Variants in RIMS3 observed in about 807,000 individuals in gnomAD.
RIMS3 encodes the protein regulating synaptic membrane exocytosis 3.
In RIMS3, 15 loss-of-function variants were observed where a neutral mutation model predicts 29.2. The observed-to-expected ratio is 0.51, with a 90% CI of 0.34 to 0.79. RIMS3 has a LOEUF of 0.79. RIMS3 is among the 30% of genes least tolerant of loss of function. The probability of loss-of-function intolerance (pLI) is 0.01; values close to 1 mark genes in which losing one functional copy is unlikely to be tolerated. For missense variants in RIMS3, 342 were observed against 421.4 expected, an observed-to-expected ratio of 0.81 and a Z score of 1.65; for synonymous variants, 161 against 170.1, an observed-to-expected ratio of 0.95 and a Z score of 0.41.
chr1:40,658,965 T>G (rs1557685653), intron 1 of RIMS3, among the ~76,000 whole-genome samples: 1 of 152,110 alleles, frequency 6.6e-6, no homozygotes, highest in Admixed American at 6.5e-5. Context: ...TGAACAATCC[T>G]GAAAAAATAA....
Position 40,650,165 on chromosome 1 carries a change from G to A in RIMS3, c.-206-2323C>T, listed in dbSNP as rs192156811. On this transcript the variant is annotated intron_variant, in intron 1 of 7. Coordinates refer to ENST00000372684, the MANE Select transcript of RIMS3 (RefSeq NM_014747.3). ...AGGCAGACCCAGGGCTGGGTGAGCC[G>A]TGTCTCCCATTCAGAACAAGGTTCC... Among the ~76,000 whole-genome samples the A allele has an allele frequency of 1.2e-3, 179 of 152,240 alleles. 2 individuals are homozygous for A. The East Asian group carries it at 0.02, about 17-fold the overall frequency.
At chr1:40,668,491 C>CGGGGGGGGGGGGGGGTGGGG (rs56114535), upstream of RIMS3, among the ~76,000 whole-genome samples, 1 of 51,586 alleles carries the variant, frequency 1.9e-5, no homozygotes. Flanking sequence ...GGGTTGTGGG[C>CGGGGGGGGGGGGGGGTGGGG]GGGGGGGGGG....
At chr1:40,668,942 G>C (rs911311310), upstream of RIMS3, 1 of 152,210 alleles carries the variant, frequency 6.6e-6, no homozygotes, top group Admixed American at 6.5e-5. Context: ...GCGGCGCTCT[G>C]GCCAGCGCCC....
chr1:40,641,610 G>T, intron 3 of RIMS3, 99 bp downstream of exon 3: 1 of 1,175,360 alleles, frequency 8.5e-7, no homozygotes, highest in Non-Finnish European at 1.2e-6. Context: ...ATAAGTGTCT[G>T]TGGGCATGGA....
At chr1:40,688,153 C>T in the RIMS3 span, among the ~76,000 whole-genome samples, 2 of 151,962 alleles carry the variant, frequency 1.3e-5, no homozygotes, top group East Asian at 1.9e-4. Flanking sequence ...TCAGTAGAGA[C>T]GGGGTTTTAC....
chr1:40,631,337 A>G (rs1646488056), intron 5 of RIMS3, among the ~76,000 whole-genome samples: 1 of 152,218 alleles, frequency 6.6e-6, no homozygotes, highest in African/African-American at 2.4e-5. Flanking sequence ...ATCCCTCAGT[A>G]TCCATGGGGG....
At chr1:40,682,549 G>T in the RIMS3 span, among the ~76,000 whole-genome samples, 1 of 151,920 alleles carries the variant, frequency 6.6e-6, no homozygotes, top group Admixed American at 6.6e-5. Context: ...AAGAGACGAG[G>T]TAACTTTTGC....
the RIMS3 span, among the ~76,000 whole-genome samples, chr1:40,676,668 C>T: frequency 6.6e-6 from 1 of 152,008 alleles, no homozygotes; most frequent in African/African-American, 2.4e-5. Flanking sequence ...AGAATTTGAA[C>T]AAAAAAAGTT....
intron 7 of RIMS3, among the ~76,000 whole-genome samples, chr1:40,627,420 G>A (rs989132397): frequency 6.6e-6 from 1 of 152,072 alleles, no homozygotes; most frequent in Admixed American, 6.5e-5. Context: ...AGTAGAGACG[G>A]GGTTTCACCA....
At chr1:40,689,639 T>G in the RIMS3 span, among the ~76,000 whole-genome samples, 72 of 152,292 alleles carry the variant, frequency 4.7e-4, no homozygotes, top group South Asian at 0.014. Context: ...TTGACGACAT[T>G]AGGGTGAGAA....
chr1:40,675,105 A>C, the RIMS3 span, among the ~76,000 whole-genome samples: 1 of 152,064 alleles, frequency 6.6e-6, no homozygotes. Context: ...CGAAAGGAAA[A>C]AAAATTTTTT....
At chr1:40,656,718 G>A (rs1642277912) in intron 1 of RIMS3, among the ~76,000 whole-genome samples, 1 of 150,830 alleles carries the variant, frequency 6.6e-6, no homozygotes. Context: ...AGGAGGCAGA[G>A]GTTGTGGTGA....
chr1:40,688,662 TTC>T, the RIMS3 span, among the ~76,000 whole-genome samples: 1 of 152,140 alleles, frequency 6.6e-6, no homozygotes, highest in Non-Finnish European at 1.5e-5. Flanking sequence ...TAAGAAGTAT[TTC>T]TTAGCTGAGG....
Position 40,651,247 on chromosome 1 carries a change from T to C in RIMS3, c.-206-3405A>G, listed in dbSNP as rs151184268. 3.5e-4 allele frequency among the ~76,000 whole-genome samples: 54 copies of C among 152,198 alleles called. No individual in the cohort carries two copies. The East Asian group carries it at 7.7e-3, about 22-fold the overall frequency. ...GGAGAAGGGTGGGTCCCTCATCCAA[T>C]ATAACCAGTGTCCTTATAGGAAGGT... is the stretch of plus-strand genomic sequence containing the variant. On this transcript the variant is annotated intron_variant, in intron 1 of 7. Coordinates refer to ENST00000372684, the MANE Select transcript of RIMS3 (RefSeq NM_014747.3).
chr1:40,670,574 T>TTATTTATATATATATATATATA (rs1553146614), upstream of RIMS3, among the ~76,000 whole-genome samples: 5 of 71,210 alleles, frequency 7.0e-5, no homozygotes, highest in Non-Finnish European at 1.2e-4. Context: ...AGTTATAATT[T>TTATTTATATATATATATATATA]TATATATATA....
chr1:40,629,284 G>T lies in RIMS3; in HGVS notation c.561C>A (p.Ser187=), dbSNP rs912393234. Residue 187 remains serine (S), a synonymous_variant, in exon 6 of 8, where the codon TCC becomes TCA. Coordinates refer to ENST00000372684, the MANE Select transcript of RIMS3 (RefSeq NM_014747.3). ...AAAATCCCTCACCTGGGAGGGATTT[G>T]GAGCCTGGTTTGGGGGTCAGGCCCC... ...EARGLTPKPG[S]KSLPATYIKV... 1.2e-6 allele frequency: 2 copies of T among 1,614,060 alleles called. No individual in the cohort carries two copies. The highest frequency in any genetic ancestry group is 3.3e-5 in the Admixed American group (2 of 60,028).
In RIMS3 at chr1:40,623,504, C is replaced by T. The variant is rs894155586; in HGVS notation, c.*3013G>A. On this transcript the variant is annotated 3_prime_UTR_variant, in exon 8 of 8. Transcript: ENST00000372684. The stretch of plus-strand genomic sequence containing the variant: ...TCTCTGCCATATGCACAGTGAACCT[C>T]GCCTGACCAGAGGAGGTGGAATGAC... The T allele has an allele frequency of 2.5e-6, 1 of 398,696 alleles. No individual in the cohort carries two copies. The highest frequency in any genetic ancestry group is 2.1e-5 in the African/African-American group (1 of 48,748). 24.7% of individuals were successfully genotyped at this position (398,696 alleles called of 1,614,324 possible). A position where few individuals can be genotyped will look rare whatever the true frequency, so the allele number is the denominator to read the frequency against.
intron 6 of RIMS3, 88 bp downstream of exon 6, chr1:40,629,183 T>G: frequency 8.1e-7 from 1 of 1,239,276 alleles, no homozygotes; most frequent in Non-Finnish European, 1.2e-6. Flanking sequence ...GAATCCCGAT[T>G]TAGGCCAGTG....
rs957452506 is a variant in RIMS3 at position 40,621,532 on chromosome 1, A to T, written c.*4985T>A. 2 of 152,246 alleles carry T rather than the reference A, an allele frequency of 1.3e-5. No homozygotes were observed. Among genetic ancestry groups the T allele is most frequent in the Non-Finnish European group, 2.9e-5 (2 of 68,054 alleles). The allele number at this position is 152,246 out of a possible 1,614,324, so 9.4% of individuals were successfully genotyped here. A position where few individuals can be genotyped will look rare whatever the true frequency, so the allele number is the denominator to read the frequency against. On this transcript the variant is annotated 3_prime_UTR_variant, in exon 8 of 8. Coordinates refer to ENST00000372684, the MANE Select transcript of RIMS3 (RefSeq NM_014747.3). ...GCCCACGGAGACAGGAACCAGGTGCACCAGGCTCGCAACCCTCATGTGCTC... is the reference window on the plus strand; with the variant it reads ...GCCCACGGAGACAGGAACCAGGTGCTCCAGGCTCGCAACCCTCATGTGCTC...
Sources: gnomAD v4.1 joint callset for allele counts (sites outside exome capture counted in the v4.1 genomes callset) on GRCh38, gnomAD v4.1.1 for gene constraint, MANE v1.5 for transcripts, NCBI Gene and HGNC (gene_info 2026-07-23, HGNC 2026-07-21) for gene names.